Variants in EXOSC2 observed in about 807,000 individuals in gnomAD.
EXOSC2 encodes exosome complex component RRP4.
A neutral mutation model predicts 37.6 loss-of-function variants in EXOSC2; 29 were observed. The observed-to-expected ratio is 0.77, with a 90% CI of 0.57 to 1.05. EXOSC2 has a LOEUF of 1.05. Ranked by LOEUF, EXOSC2 falls within the 50% of genes least tolerant of loss-of-function variation. The pLI, the probability that EXOSC2 is intolerant of heterozygous loss-of-function variation, is 0.00. For missense variants in EXOSC2, 346 were observed against 365.6 expected (o/e 0.95, Z 0.44); for synonymous variants, 119 against 131.1 (o/e 0.91, Z 0.63).
intron 5 of EXOSC2, chr9:130,699,601 A>G (rs1831168225): frequency 1.7e-6 from 1 of 595,936 alleles, no homozygotes; most frequent in East Asian, 2.7e-5. Context: ...CTGCTAAGTC[A>G]TTTCTTTGGG....
chr9:130,694,014 G>T lies in EXOSC2; in HGVS notation c.122+101G>T. 7.9e-6 allele frequency: 11 copies of T among 1,395,800 alleles called. No individual in the cohort carries two copies. Among genetic ancestry groups the T allele is most frequent in the Non-Finnish European group, 9.5e-6 (10 of 1,047,294 alleles). The allele number at this position is 1,395,800 out of a possible 1,614,324, so 86.5% of individuals were successfully genotyped here. On this transcript the variant is annotated intron_variant, in intron 1 of 8. Transcript: ENST00000372358. The surrounding 1 kb of genome is among the most constrained non-coding windows in gnomAD (Gnocchi z 4.0). Reference sequence around the variant, plus strand: ...TCCCTGTGTGTGTAACTCCCCGCGGGACCCAGGGCACTTCGTCTGAGCATC... The same window carrying T: ...TCCCTGTGTGTGTAACTCCCCGCGGTACCCAGGGCACTTCGTCTGAGCATC...
At chr9:130,699,646 G>C in intron 5 of EXOSC2, 1 of 504,714 alleles carries the variant, frequency 2.0e-6, no homozygotes, top group Non-Finnish European at 3.6e-6. Context: ...CTTTAGACTA[G>C]GCTTTTGTTA....
intron 5 of EXOSC2, among the ~76,000 whole-genome samples, chr9:130,700,438 C>T (rs924384205): frequency 1.3e-5 from 2 of 151,826 alleles, no homozygotes; most frequent in Non-Finnish European, 2.9e-5. Context: ...CGGCTCACTG[C>T]AACCTCTGCC....
At chr9:130,701,436 A>G (rs969591389) in intron 6 of EXOSC2, 5 of 190,600 alleles carry the variant, frequency 2.6e-5, no homozygotes, top group Non-Finnish European at 4.9e-5. Context: ...GCTATTTACT[A>G]TTTTAAGGAG....
chr9:130,695,139 A>T (rs2132625648), intron 1 of EXOSC2, among the ~76,000 whole-genome samples: 1 of 152,330 alleles, frequency 6.6e-6, no homozygotes, highest in African/African-American at 2.4e-5. Flanking sequence ...ATAGATAATA[A>T]GCGCAATGAA....
At chr9:130,701,752 G>A in intron 6 of EXOSC2, 1 of 877,208 alleles carries the variant, frequency 1.1e-6, no homozygotes, top group South Asian at 4.9e-5. Flanking sequence ...GGCAAGATGA[G>A]TGTTTGGGGT....
In EXOSC2 at chr9:130,703,197, C is replaced by T; in HGVS notation, c.801+16C>T. On this transcript the variant is annotated intron_variant, in intron 8 of 8. Transcript: ENST00000372358. ...TCCACATCAGGTACTCTCCCCAGGG[C>T]CTCTCCCTTCTTCACTGATCTGTGA... 1.2e-6 allele frequency: 2 copies of T among 1,601,150 alleles called. No individual in the cohort carries two copies. The highest frequency in any genetic ancestry group is 1.7e-6 in the Non-Finnish European group (2 of 1,171,170).
rs1476952387 is a variant in EXOSC2, at chr9:130,700,929, T to G, written c.489T>G (p.Tyr163Ter). Residue 163 changes from tyrosine to a stop codon, truncating the protein, a stop_gained, in exon 6 of 9, where the codon TAT becomes TAG. Coordinates refer to ENST00000372358, the MANE Select transcript of EXOSC2 (RefSeq NM_014285.7). LOFTEE classifies it high-confidence loss of function. ...CTTTGCACACGAGGAGCCTGAAATA[T>G]GGAAAAGTAAGTCGGGCTCTTGATG... ...AVSLHTRSLK[Y>*]GKLGQGVLVQ... The G allele has an allele frequency of 3.7e-6, 6 of 1,613,914 alleles. No homozygotes were observed. Among genetic ancestry groups the G allele is most frequent in the South Asian group, 2.2e-5 (2 of 91,080 alleles).
rs966405415 is a variant in EXOSC2 at position 130,704,484 on chromosome 9, TC to T, written c.*711del. 1.3e-5 allele frequency: 2 copies of T among 151,678 alleles called. No homozygotes were observed. The highest frequency in any genetic ancestry group is 2.9e-5 in the Non-Finnish European group (2 of 67,972). 9.4% of individuals were successfully genotyped at this position (151,678 alleles called of 1,614,324 possible). On this transcript the variant is annotated 3_prime_UTR_variant, in exon 9 of 9. Coordinates refer to ENST00000372358, the MANE Select transcript of EXOSC2 (RefSeq NM_014285.7). ...AGGCGGAGGTTGCAGTGAGCTGAAA[TC>T]GCGTACCACACTCCAGCCTGGGTGA...
At chr9:130,695,302 CTGAG>C (rs951742226) in intron 1 of EXOSC2, among the ~76,000 whole-genome samples, 186 bp from the exon 2 acceptor site, 2 of 152,094 alleles carry the variant, frequency 1.3e-5, no homozygotes, top group Admixed American at 1.3e-4. Context: ...CTGAGCAGAC[CTGAG>C]TGAGAGGAGT....
rs1010142995 is a variant in EXOSC2, at chr9:130,695,986, G to A, written c.224+393G>A. On this transcript the variant is annotated intron_variant, in intron 2 of 8. Coordinates refer to ENST00000372358, the MANE Select transcript of EXOSC2 (RefSeq NM_014285.7). ...AACAATTCTCCTTCTTCAGCCTCCC[G>A]AGTAGCTGGGATTACAGGCGCCCTC... 1.1e-4 allele frequency among the ~76,000 whole-genome samples: 17 copies of A among 149,882 alleles called. No homozygotes were observed. In the East Asian group the frequency reaches 2.4e-3, roughly 21 times the overall value.
Position 130,694,461 on chromosome 9 carries a change from T to A in EXOSC2, c.122+548T>A, listed in dbSNP as rs1831047915. 6.6e-6 allele frequency among the ~76,000 whole-genome samples: 1 copy of A among 152,160 alleles called. No individual in the cohort carries two copies. The highest frequency in any genetic ancestry group is 2.1e-4 in the South Asian group (1 of 4,824). ...GGGTTCCGGTCCTGCTACCATCACA[T>A]CTTATTAGCGGCATTGCCTCTCCAC... On this transcript the variant is annotated intron_variant, in intron 1 of 8. Coordinates refer to ENST00000372358, the MANE Select transcript of EXOSC2 (RefSeq NM_014285.7). The surrounding 1 kb of genome is among the most constrained non-coding windows in gnomAD (Gnocchi z 4.0).
chr9:130,699,489 A>G (rs113171075), intron 5 of EXOSC2, 95 bp downstream of exon 5: 13 of 1,230,832 alleles, frequency 1.1e-5, no homozygotes, highest in African/African-American at 5.9e-5. Flanking sequence ...GAACCATGTC[A>G]TCCTTGCAGG....
chr9:130,695,855 CT>C (rs397721632), intron 2 of EXOSC2, among the ~76,000 whole-genome samples: 5,307 of 111,122 alleles, frequency 0.048, 344 homozygotes, highest in African/African-American at 0.17. Context: ...AGGATTTTCT[CT>C]TTTTTTTTTT....
chr9:130,701,144 C>T, intron 6 of EXOSC2: 1 of 520,642 alleles, frequency 1.9e-6, no homozygotes, highest in South Asian at 2.3e-5. Context: ...TTGTAAAGAA[C>T]AAGTTTTATC....
intron 2 of EXOSC2, among the ~76,000 whole-genome samples, chr9:130,696,792 TGA>T (rs140407401): frequency 2.0e-5 from 3 of 151,598 alleles, no homozygotes; most frequent in Admixed American, 6.6e-5. Context: ...TCCTGGAGCG[TGA>T]GAGAGAGAGA....
intron 6 of EXOSC2, chr9:130,701,578 T>C: frequency 1.0e-6 from 1 of 986,388 alleles, no homozygotes; most frequent in Non-Finnish European, 1.2e-6. Context: ...TTGATGTACA[T>C]GGAGTAGGCA....
chr9:130,703,425 C>T (rs187317814), intron 8 of EXOSC2, among the ~76,000 whole-genome samples: 2 of 152,164 alleles, frequency 1.3e-5, no homozygotes, highest in African/African-American at 4.8e-5. Flanking sequence ...ATGAGAGCAA[C>T]CTCTGGACTA....
At chr9:130,695,729 G>A in intron 2 of EXOSC2, 136 bp downstream of exon 2, 1 of 711,468 alleles carries the variant, frequency 1.4e-6, no homozygotes, top group Non-Finnish European at 2.4e-6. Context: ...GACCATGACT[G>A]TAGGTGGGGT....
Sources: allele counts gnomAD v4.1 joint callset (sites outside exome capture counted in the v4.1 genomes callset), GRCh38; gene constraint gnomAD v4.1.1; non-coding constraint Gnocchi (gnomAD v3.1); transcripts MANE v1.5; gene names NCBI Gene and HGNC (gene_info 2026-07-23, HGNC 2026-07-21).